FAT3: variants seen among roughly 807,000 people sequenced by gnomAD.
The protein encoded by FAT3 is protocadherin Fat 3.
FAT3 carries 95 observed loss-of-function variants against 310.2 expected under a neutral mutation model. The observed-to-expected ratio is 0.31, with a 90% CI of 0.26 to 0.36. FAT3 has a LOEUF of 0.36. FAT3 is among the 10% of genes least tolerant of loss of function. FAT3 has a pLI of 1.00. For synonymous variants in FAT3, 2,314 were observed against 2,192.9 expected (o/e 1.06, Z -1.54); for missense variants, 5,408 against 5,715.6 (o/e 0.95, Z 1.74).
intron 2 of FAT3, among the ~76,000 whole-genome samples, chr11:92,372,775 C>G (rs978758224): frequency 2.0e-5 from 3 of 152,094 alleles, no homozygotes; most frequent in Non-Finnish European, 4.4e-5. Context: ...ATTCTCCTGC[C>G]TCAGCCTCCT....
chr11:92,725,688 T>C (rs559398528), intron 4 of FAT3, among the ~76,000 whole-genome samples: 1 of 152,210 alleles, frequency 6.6e-6, no homozygotes, highest in East Asian at 1.9e-4. Context: ...ACAGTTGAGA[T>C]TTATAAAAGT....
intron 3 of FAT3, among the ~76,000 whole-genome samples, chr11:92,592,609 C>G (rs111763705): frequency 1.1e-4 from 16 of 147,518 alleles, no homozygotes; most frequent in African/African-American, 3.8e-4. Context: ...CGTGAGCCAC[C>G]ACACCTGGCC....
chr11:92,269,658 A>G (rs1946069622), intron 1 of FAT3, among the ~76,000 whole-genome samples: 1 of 152,158 alleles, frequency 6.6e-6, no homozygotes, highest in Non-Finnish European at 1.5e-5. Flanking sequence ...TAGAGTGCCA[A>G]GCTTTCCTGG....
At chr11:92,608,783 A>G (rs1486629878) in intron 3 of FAT3, among the ~76,000 whole-genome samples, 2 of 149,246 alleles carry the variant, frequency 1.3e-5, no homozygotes, top group Non-Finnish European at 3.0e-5. Context: ...CACTGCAGCC[A>G]TCAATGCCTA....
At chr11:92,622,834 T>C (rs1941147737) in intron 3 of FAT3, among the ~76,000 whole-genome samples, 1 of 152,286 alleles carries the variant, frequency 6.6e-6, no homozygotes, top group Admixed American at 6.5e-5. Flanking sequence ...ATGCTCTTCT[T>C]CCCTGAGACT....
intron 3 of FAT3, among the ~76,000 whole-genome samples, chr11:92,660,240 C>T (rs568954955): frequency 5.3e-5 from 8 of 150,384 alleles, no homozygotes; most frequent in African/African-American, 1.2e-4. Flanking sequence ...AATGCTGATA[C>T]GAAACACATG....
intron 2 of FAT3, among the ~76,000 whole-genome samples, chr11:92,426,569 G>C (rs531362539): frequency 6.6e-6 from 1 of 152,084 alleles, no homozygotes; most frequent in Admixed American, 6.6e-5. Flanking sequence ...GTAAGGAAGG[G>C]GTCAAGTTTC....
At chr11:92,402,377 AG>A (rs1950035030) in intron 2 of FAT3, among the ~76,000 whole-genome samples, 1 of 152,148 alleles carries the variant, frequency 6.6e-6, no homozygotes, top group Non-Finnish European at 1.5e-5. Flanking sequence ...TAATGTTTTC[AG>A]GGTGAGTCTT....
intron 2 of FAT3, among the ~76,000 whole-genome samples, chr11:92,495,993 T>C (rs1010279783): frequency 2.0e-5 from 3 of 152,094 alleles, no homozygotes; most frequent in African/African-American, 7.2e-5. Flanking sequence ...TAGACATGCA[T>C]TTTCTGTAGT....
intron 3 of FAT3, among the ~76,000 whole-genome samples, chr11:92,552,578 A>G (rs1409979933): frequency 2.0e-5 from 3 of 152,158 alleles, no homozygotes; most frequent in Non-Finnish European, 4.4e-5. Flanking sequence ...ATGAGTTCAT[A>G]TGGTAAAATG....
At chr11:92,749,577 G>T (rs7931702) in intron 4 of FAT3, among the ~76,000 whole-genome samples, 5,283 of 152,224 alleles carry the variant, frequency 0.035, 304 homozygotes, top group African/African-American at 0.12. Context: ...TATAACAGAA[G>T]TAAGGAAAGG....
intron 1 of FAT3, among the ~76,000 whole-genome samples, chr11:92,331,331 G>A (rs1035322304): frequency 4.6e-5 from 7 of 151,004 alleles, no homozygotes; most frequent in African/African-American, 1.7e-4. Context: ...ACCTCTCTGA[G>A]GTATTAAAAG....
intron 3 of FAT3, among the ~76,000 whole-genome samples, chr11:92,556,183 G>A (rs1412202984): frequency 6.6e-6 from 1 of 152,194 alleles, no homozygotes; most frequent in African/African-American, 2.4e-5. Context: ...TCAAGTAAAG[G>A]CTATTCTCCT....
chr11:92,703,894 A>T (rs1197839766), intron 4 of FAT3, among the ~76,000 whole-genome samples: 1 of 152,238 alleles, frequency 6.6e-6, no homozygotes, highest in Non-Finnish European at 1.5e-5. Context: ...CTGTCTTGGC[A>T]TCAAGAAACT....
chr11:92,371,797 A>G (rs1949193791), intron 2 of FAT3, among the ~76,000 whole-genome samples: 1 of 152,200 alleles, frequency 6.6e-6, no homozygotes, highest in African/African-American at 2.4e-5. Context: ...CATAATAGCT[A>G]GGTGATGATT....
intron 2 of FAT3, among the ~76,000 whole-genome samples, chr11:92,519,014 G>A (rs1450549636): frequency 2.6e-5 from 4 of 151,994 alleles, no homozygotes; most frequent in Non-Finnish European, 5.9e-5. Flanking sequence ...CAAAATCCTA[G>A]TGGGTTTCCT....
intron 2 of FAT3, among the ~76,000 whole-genome samples, chr11:92,499,715 GTGTGTGTA>G (rs966126417): frequency 1.6e-4 from 18 of 115,558 alleles, no homozygotes; most frequent in East Asian, 1.4e-3. Context: ...GTGTGTGTAT[GTGTGTGTA>G]TGTGTGTGTG....
rs150408928 is a variant in FAT3, at chr11:92,398,866, G to A, written c.3292+43462G>A. Among the ~76,000 whole-genome samples the A allele has an allele frequency of 1.1e-4, 17 of 152,244 alleles. No homozygotes were observed. In the East Asian group the frequency reaches 3.1e-3, roughly 28 times the overall value. ...AATACTGTTTGGGACAGTGTTCTGA[G>A]TCTGAATCCTGGCTTCTCTGATTTT... On this transcript the variant is annotated intron_variant, in intron 2 of 27. Transcript: ENST00000525166.
chr11:92,890,437 A>G (rs2136441461), intron 27 of FAT3, 54 bp from the exon 28 acceptor site: 1 of 1,548,940 alleles, frequency 6.5e-7, no homozygotes, highest in Non-Finnish European at 8.7e-7. Flanking sequence ...CTTTCCCAGC[A>G]AAGCACCAAC....
Sources: allele counts gnomAD v4.1 joint callset (sites outside exome capture counted in the v4.1 genomes callset), GRCh38; gene constraint gnomAD v4.1.1; transcripts MANE v1.5; gene names NCBI Gene and HGNC (gene_info 2026-07-23, HGNC 2026-07-21).